The following SYT1 variants were observed in gnomAD, a reference collection of about 807,000 sequenced individuals.
The protein encoded by SYT1 is synaptotagmin-1.
Under a neutral mutation model 44.8 loss-of-function variants are expected in SYT1, and 8 were observed. The observed-to-expected ratio is 0.18, with a 90% confidence interval of 0.10 to 0.32. The LOEUF is 0.32. Among genes scored for constraint, SYT1 ranks in the 10% least tolerant of loss-of-function variants. The pLI, the probability that SYT1 is intolerant of heterozygous loss-of-function variation, is 1.00. For missense variants in SYT1, 286 were observed against 509.3 expected, an observed-to-expected ratio of 0.56 and a Z score of 4.22; for synonymous variants, 154 against 188.8, an observed-to-expected ratio of 0.82 and a Z score of 1.51.
chr12:78,973,604 A>C (rs946808842), intron 1 of SYT1, among the ~76,000 whole-genome samples: 3 of 152,124 alleles, frequency 2.0e-5, no homozygotes, highest in African/African-American at 4.8e-5. Context: ...ATCAACCTAA[A>C]GAATGTTTTT....
rs1284293520 is a variant in SYT1, at chr12:79,094,221, T to C, written c.-18+46859T>C. ...CTTTGAAAGTATATATTATAAATCA[T>C]AATTATTGTTAAAAATTAAATTTAT... On this transcript the variant is annotated intron_variant, in intron 3 of 10. Transcript: ENST00000261205. Among the ~76,000 whole-genome samples the C allele has an allele frequency of 4.0e-5, 6 of 151,778 alleles. No homozygotes were observed. In the South Asian group the frequency reaches 1.2e-3, roughly 31 times the overall value.
In SYT1 at chr12:79,324,006, A is replaced by G. The variant is rs1044201316; in HGVS notation, c.810+24455A>G. Among the ~76,000 whole-genome samples the G allele has an allele frequency of 6.0e-4, 82 of 137,404 alleles. 1 individual carries two copies. The highest frequency in any genetic ancestry group is 2.2e-3 in the African/African-American group (79 of 35,984). 90.1% of individuals were successfully genotyped at this position (137,404 alleles called of 152,430 possible). A position where few individuals can be genotyped will look rare whatever the true frequency, so the allele number is the denominator to read the frequency against. On this transcript the variant is annotated intron_variant, in intron 8 of 10. Transcript: ENST00000261205. ...TCCTCTGTCACCCAGGCTGGAGTGC[A>G]GTGGCGCAATCTCAGCTCACTACCA...
In SYT1 at chr12:79,353,544, C is replaced by A. The variant is rs2136007493; in HGVS notation, c.853C>A (p.Pro285Thr). 1 of 1,614,092 alleles carries A rather than the reference C, an allele frequency of 6.2e-7. No homozygotes were observed. Among genetic ancestry groups the A allele is most frequent in the African/African-American group, 1.3e-5 (1 of 75,032 alleles). ...GDICFSLRYV[P>T]TAGKLTVVIL... ...TATCTGCTTCTCCCTTCGCTACGTA[C>A]CTACTGCTGGTAAGCTGACTGTTGT... Residue 285 changes from proline to threonine, a missense_variant, in exon 9 of 11, where the codon CCT (proline) becomes ACT (threonine). Physicochemically the swap from Pro to Thr is conservative, Grantham distance 38 (BLOSUM62 -1). This residue lies in a region of SYT1 where 15 missense variants were observed against 84.6 expected (regional missense o/e 0.18). Transcript: ENST00000261205.
chr12:79,070,207 A>G (rs1308036298), intron 3 of SYT1, among the ~76,000 whole-genome samples: 1 of 152,168 alleles, frequency 6.6e-6, no homozygotes, highest in Non-Finnish European at 1.5e-5. Flanking sequence ...CCAGGAATCT[A>G]GATACATGTC....
chr12:78,894,788 G>A (rs1875263959), intron 1 of SYT1, among the ~76,000 whole-genome samples: 1 of 151,538 alleles, frequency 6.6e-6, no homozygotes, highest in Admixed American at 6.6e-5. Flanking sequence ...GGAGCTGTTG[G>A]TTAACGGACA....
In SYT1 at chr12:79,186,650, C is replaced by T. The variant is rs563415582; in HGVS notation, c.-17-30853C>T. Among the ~76,000 whole-genome samples the T allele has an allele frequency of 2.0e-5, 3 of 152,062 alleles. No individual in the cohort carries two copies. In the South Asian group the frequency reaches 6.2e-4, roughly 32 times the overall value. On this transcript the variant is annotated intron_variant, in intron 3 of 10. Transcript: ENST00000261205. ...TTAAATGTCCAATAAGTGAAAAAATCGGAAGTAGACTCCTGGCCCCCTGGT... is the reference window on the plus strand; with the variant it reads ...TTAAATGTCCAATAAGTGAAAAAATTGGAAGTAGACTCCTGGCCCCCTGGT...
intron 3 of SYT1, among the ~76,000 whole-genome samples, chr12:79,158,854 G>C (rs1252023598): frequency 6.6e-6 from 1 of 151,724 alleles, no homozygotes; most frequent in Non-Finnish European, 1.5e-5. Flanking sequence ...CTGTGATCAC[G>C]CCACTGAACT....
intron 3 of SYT1, among the ~76,000 whole-genome samples, chr12:79,201,350 T>A (rs1257809031): frequency 6.6e-6 from 1 of 152,196 alleles, no homozygotes; most frequent in African/African-American, 2.4e-5. Context: ...GAAAATATCT[T>A]TAGATCCTAT....
At chr12:79,329,482 C>T (rs562384580) in intron 8 of SYT1, among the ~76,000 whole-genome samples, 176 of 152,298 alleles carry the variant, frequency 1.2e-3, no homozygotes, top group African/African-American at 4.1e-3. Flanking sequence ...TTCTTAATTA[C>T]CTATGGATGG....
At chr12:79,366,387 A>T (rs1883544293) in intron 9 of SYT1, among the ~76,000 whole-genome samples, 1 of 152,282 alleles carries the variant, frequency 6.6e-6, no homozygotes, top group Non-Finnish European at 1.5e-5. Flanking sequence ...TTAAAATATA[A>T]AAACCTTAAA....
intron 4 of SYT1, among the ~76,000 whole-genome samples, chr12:79,253,734 A>C (rs1245827): frequency 0.71 from 107,909 of 151,940 alleles, 38,855 homozygotes; most frequent in African/African-American, 0.79. Context: ...ACAACTTAGC[A>C]AAGTTGTGAA....
intron 9 of SYT1, among the ~76,000 whole-genome samples, chr12:79,374,148 C>G (rs1036318275): frequency 9.2e-5 from 14 of 152,130 alleles, no homozygotes; most frequent in African/African-American, 3.1e-4. Context: ...ACAGGGGCAC[C>G]TCTGTGATAC....
intron 9 of SYT1, among the ~76,000 whole-genome samples, chr12:79,366,612 C>T (rs369580956): frequency 1.3e-5 from 2 of 152,188 alleles, no homozygotes; most frequent in African/African-American, 2.4e-5. Flanking sequence ...GACAGCAGGG[C>T]GCAGCAGAAA....
chr12:79,419,155 T>C (rs566133777), intron 9 of SYT1: 3 of 425,342 alleles, frequency 7.1e-6, no homozygotes, highest in South Asian at 5.3e-5. Context: ...TTTCTCTATG[T>C]AGAAGGGACT....
At chr12:79,238,809 G>A (rs1252835422) in intron 4 of SYT1, among the ~76,000 whole-genome samples, 1 of 152,176 alleles carries the variant, frequency 6.6e-6, no homozygotes, top group Non-Finnish European at 1.5e-5. Flanking sequence ...CAATCCAACT[G>A]ATAATCTTGA....
At chr12:79,294,190 A>C (rs1879770452) in intron 6 of SYT1, among the ~76,000 whole-genome samples, 1 of 152,060 alleles carries the variant, frequency 6.6e-6, no homozygotes, top group Non-Finnish European at 1.5e-5. Flanking sequence ...TCATTTTATA[A>C]AGTAGTATTT....
At chr12:78,968,755 A>G (rs927489249) in intron 1 of SYT1, among the ~76,000 whole-genome samples, 1 of 152,184 alleles carries the variant, frequency 6.6e-6, no homozygotes, top group African/African-American at 2.4e-5. Flanking sequence ...ATGCCAAAGT[A>G]GGGTTCAGTA....
At chr12:78,869,755 C>A (rs866880317) in intron 1 of SYT1, among the ~76,000 whole-genome samples, 1 of 151,898 alleles carries the variant, frequency 6.6e-6, no homozygotes, top group Non-Finnish European at 1.5e-5. Flanking sequence ...AGAATTATTT[C>A]TGTAATTGCT....
chr12:78,976,776 A>G (rs775256789), intron 1 of SYT1: 3 of 152,170 alleles, frequency 2.0e-5, no homozygotes, highest in Non-Finnish European at 2.9e-5. Flanking sequence ...GACAAATTTT[A>G]TAAACTAGTG....
Sources: allele counts gnomAD v4.1 joint callset (sites outside exome capture counted in the v4.1 genomes callset), GRCh38; gene constraint gnomAD v4.1.1; regional missense constraint gnomAD v4.1.1; transcripts MANE v1.5; gene names NCBI Gene and HGNC (gene_info 2026-07-23, HGNC 2026-07-21).